The following INVS variants were observed in gnomAD, a reference collection of about 807,000 sequenced individuals.
The protein encoded by INVS is inversin.
A neutral mutation model predicts 108.8 loss-of-function variants in INVS; 86 were observed. The observed-to-expected ratio is 0.79, with a 90% CI of 0.66 to 0.95. The LOEUF is 0.95. Among genes scored for constraint, INVS ranks in the 40% least tolerant of loss-of-function variants. The pLI is 0.00. For missense variants in INVS, 1,169 were observed against 1,297.4 expected, an observed-to-expected ratio of 0.90 and a Z score of 1.52; for synonymous variants, 455 against 473.5, an observed-to-expected ratio of 0.96 and a Z score of 0.51.
At chr9:100,196,601 C>T (rs184738630) in intron 3 of INVS, among the ~76,000 whole-genome samples, 184 of 151,460 alleles carry the variant, frequency 1.2e-3, no homozygotes, top group African/African-American at 2.2e-3. Context: ...TGAAAGGGGT[C>T]GCTGTTCTAT....
chr9:100,176,517 C>T (rs1454826348), intron 3 of INVS, among the ~76,000 whole-genome samples: 1 of 152,044 alleles, frequency 6.6e-6, no homozygotes, highest in Non-Finnish European at 1.5e-5. Flanking sequence ...CGCACTGCTG[C>T]CTGGGCTAGA....
At chr9:100,148,630 G>C (rs755372093) in intron 3 of INVS, among the ~76,000 whole-genome samples, 19 of 152,174 alleles carry the variant, frequency 1.2e-4, no homozygotes, top group Non-Finnish European at 2.4e-4. Flanking sequence ...TAGCACAGGA[G>C]AAGAGGCAGT....
chr9:100,165,750 AG>A (rs1336774185), intron 3 of INVS, among the ~76,000 whole-genome samples: 20 of 152,210 alleles, frequency 1.3e-4, no homozygotes, highest in Admixed American at 4.6e-4. Flanking sequence ...AGGCCTGTCA[AG>A]TAGACTTCTT....
intron 3 of INVS, among the ~76,000 whole-genome samples, chr9:100,142,961 G>A (rs923192607): frequency 2.0e-5 from 3 of 152,180 alleles, no homozygotes; most frequent in Non-Finnish European, 4.4e-5. Flanking sequence ...ACGATAATCA[G>A]GGAGAGCACG....
chr9:100,110,544 T>C (rs1477748747), intron 2 of INVS, among the ~76,000 whole-genome samples: 4 of 152,140 alleles, frequency 2.6e-5, no homozygotes, highest in Non-Finnish European at 5.9e-5. Flanking sequence ...ATGAAATGAA[T>C]GATTATCTAG....
intron 2 of INVS, among the ~76,000 whole-genome samples, chr9:100,115,154 G>A (rs1323599138): frequency 6.6e-6 from 1 of 152,138 alleles, no homozygotes; most frequent in African/African-American, 2.4e-5. Context: ...TCTAATAGAT[G>A]TGCAGTGGTA....
chr9:100,151,789 A>T (rs542207599), intron 3 of INVS, among the ~76,000 whole-genome samples: 3 of 152,188 alleles, frequency 2.0e-5, no homozygotes, highest in Non-Finnish European at 4.4e-5. Flanking sequence ...GATCATTTTC[A>T]CCAGATATGC....
chr9:100,295,129 G>A (rs1833751491), intron 14 of INVS, among the ~76,000 whole-genome samples: 3 of 152,138 alleles, frequency 2.0e-5, no homozygotes, highest in Admixed American at 2.0e-4. Flanking sequence ...AAACAAGCCA[G>A]CAAGGTTTAC....
At chr9:100,200,602 T>G (rs942132997) in intron 3 of INVS, among the ~76,000 whole-genome samples, 7 of 152,206 alleles carry the variant, frequency 4.6e-5, no homozygotes, top group African/African-American at 1.7e-4. Context: ...GTCTGAAATA[T>G]GTACTAAGAC....
At chr9:100,203,162 C>T (rs1457299086) in intron 3 of INVS, among the ~76,000 whole-genome samples, 3 of 152,172 alleles carry the variant, frequency 2.0e-5, no homozygotes, top group African/African-American at 7.2e-5. Flanking sequence ...CATTGTGAAG[C>T]ACATACCAGT....
At position 100,297,931 on chromosome 9, in the gene INVS, T is replaced by C; in HGVS notation, c.3017-5T>C. 1 of 1,614,108 alleles carries C rather than the reference T, an allele frequency of 6.2e-7. No individual in the cohort carries two copies. The highest frequency in any genetic ancestry group is 8.5e-7 in the Non-Finnish European group (1 of 1,179,958). Reference sequence around the variant, plus strand: ...AGAAAAGTAACAGTTGTTGGTTCATTTCAGGTTGTTCTCACGAAGGGAAAA... The same window carrying C: ...AGAAAAGTAACAGTTGTTGGTTCATCTCAGGTTGTTCTCACGAAGGGAAAA... On this transcript the variant is annotated splice_region_variant and splice_polypyrimidine_tract_variant and intron_variant, in intron 15 of 16. Coordinates refer to ENST00000262457, the MANE Select transcript of INVS (RefSeq NM_014425.5).
chr9:100,207,661 A>G (rs923451567), intron 3 of INVS, among the ~76,000 whole-genome samples: 1 of 152,212 alleles, frequency 6.6e-6, no homozygotes, highest in Non-Finnish European at 1.5e-5. Context: ...GATGAAAACT[A>G]TGCAAATCCT....
intron 9 of INVS, 54 bp downstream of exon 9, chr9:100,252,492 G>C: frequency 6.7e-7 from 1 of 1,502,206 alleles, no homozygotes; most frequent in Non-Finnish European, 9.2e-7. Context: ...AGGAATTCTT[G>C]CATACTCTGT....
At chr9:100,220,843 G>C (rs1415739888) in intron 3 of INVS, among the ~76,000 whole-genome samples, 1 of 152,050 alleles carries the variant, frequency 6.6e-6, no homozygotes, top group Non-Finnish European at 1.5e-5. Context: ...AGGCTTGGTG[G>C]CAGGCACCTG....
intron 2 of INVS, chr9:100,117,705 T>C: frequency 1.7e-6 from 1 of 580,860 alleles, no homozygotes; most frequent in Non-Finnish European, 3.1e-6. Flanking sequence ...AAGTTTATGA[T>C]ACGTTTTGAG....
chr9:100,291,846 T>A (rs1352606413), intron 13 of INVS, among the ~76,000 whole-genome samples: 1 of 152,186 alleles, frequency 6.6e-6, no homozygotes, highest in Non-Finnish European at 1.5e-5. Flanking sequence ...AAAAGGTATA[T>A]CCCTTCAAGA....
At chr9:100,205,958 A>G (rs956829503) in intron 3 of INVS, among the ~76,000 whole-genome samples, 1 of 152,156 alleles carries the variant, frequency 6.6e-6, no homozygotes, top group Non-Finnish European at 1.5e-5. Context: ...ATTTTACAGG[A>G]AACTAGATCT....
intron 3 of INVS, among the ~76,000 whole-genome samples, chr9:100,147,715 T>C (rs919452938): frequency 1.3e-5 from 2 of 152,042 alleles, no homozygotes; most frequent in Non-Finnish European, 2.9e-5. Flanking sequence ...TCAAAAGGAA[T>C]CTGGTTTAAA....
At chr9:100,269,975 TCTC>T (rs1832902458) in intron 11 of INVS, among the ~76,000 whole-genome samples, 1 of 152,186 alleles carries the variant, frequency 6.6e-6, no homozygotes, top group African/African-American at 2.4e-5. Context: ...TTTTCCATTT[TCTC>T]CTCATGCCAA....
Sources: gnomAD v4.1 joint callset for allele counts (sites outside exome capture counted in the v4.1 genomes callset) on GRCh38, gnomAD v4.1.1 for gene constraint, MANE v1.5 for transcripts, NCBI Gene and HGNC (gene_info 2026-07-23, HGNC 2026-07-21) for gene names.